The following ACACB variants were observed in gnomAD, a reference collection of about 807,000 sequenced individuals.
The protein encoded by ACACB is acetyl-CoA carboxylase beta.
In ACACB, 209 loss-of-function variants were observed where a neutral mutation model predicts 278.8. That is an observed-to-expected ratio of 0.75 (90% CI 0.67 to 0.84). The LOEUF (loss-of-function observed/expected upper bound fraction) is 0.84. Ranked by LOEUF, ACACB falls within the 40% of genes least tolerant of loss-of-function variation. ACACB has a pLI of 0.00. For synonymous variants in ACACB, 1,174 were observed against 1,285.6 expected, an observed-to-expected ratio of 0.91 and a Z score of 1.86; for missense variants, 2,850 against 3,269.0, an observed-to-expected ratio of 0.87 and a Z score of 3.13.
At chr12:109,168,130 G>A (rs80074286) in intron 4 of ACACB, 96 bp downstream of exon 4, 54 of 1,347,238 alleles carry the variant, frequency 4.0e-5, no homozygotes, top group Middle Eastern at 3.9e-4. Flanking sequence ...CTGGACTCCC[G>A]ATGGTCAGGA....
At position 109,245,694 on chromosome 12, in the gene ACACB, G is replaced by A; in HGVS notation, c.5247G>A (p.Val1749=). The change falls in exon 38 of 53, where the codon GTG becomes GTA. Residue 1749 remains valine, a synonymous_variant. Coordinates refer to ENST00000338432, the MANE Select transcript of ACACB (RefSeq NM_001093.4). Reference sequence around the variant, plus strand: ...ACATCCTGACATACACTGAATTAGTGTTGGACTCTCAGGGCCAGCTGGTGG... The same window carrying A: ...ACATCCTGACATACACTGAATTAGTATTGGACTCTCAGGGCCAGCTGGTGG... ...PKDILTYTEL[V]LDSQGQLVEM... The A allele has an allele frequency of 1.2e-6, 2 of 1,614,192 alleles. No individual in the cohort carries two copies. Among genetic ancestry groups the A allele is most frequent in the East Asian group, 4.5e-5 (2 of 44,892 alleles).
At chr12:109,154,653 T>G (rs1270418262) in intron 2 of ACACB, 2 of 152,172 alleles carry the variant, frequency 1.3e-5, no homozygotes, top group Non-Finnish European at 2.9e-5. Context: ...GCGGGCGCGA[T>G]GGCCCGGGAC....
intron 21 of ACACB, among the ~76,000 whole-genome samples, chr12:109,210,188 C>A (rs868345038): frequency 7.3e-5 from 1 of 13,752 alleles, no homozygotes; most frequent in Non-Finnish European, 1.4e-4. Context: ...TATATACACA[C>A]GTGTGTATAT....
Position 109,265,242 on chromosome 12 carries a change from CT to C in ACACB, c.7076del (p.Leu2359ArgfsTer48). On this transcript the variant is annotated frameshift_variant, in exon 51 of 53. Coordinates refer to ENST00000338432, the MANE Select transcript of ACACB (RefSeq NM_001093.4). LOFTEE classifies it high-confidence loss of function. Reference sequence around the variant, plus strand: ...GAGTCACGTGCATATCCAGTCCATGCTGCGTCGCTGGTTCGTGGAGACGGAG... The same window carrying C: ...GAGTCACGTGCATATCCAGTCCATGCGCGTCGCTGGTTCGTGGAGACGGAG... ...ELSHVHIQSM[L>X]RRWFVETEGA... is the part of the protein sequence containing the mutation. 7 of 1,613,450 alleles carry C rather than the reference CT, an allele frequency of 4.3e-6. No homozygotes were observed. Among genetic ancestry groups the C allele is most frequent in the Non-Finnish European group, 5.9e-6 (7 of 1,179,994 alleles).
Position 109,265,121 on chromosome 12 carries a change from G to A in ACACB, c.6954G>A (p.Glu2318=). The change falls in exon 51 of 53, where the codon GAG becomes GAA. Residue 2318 remains glutamate, a synonymous_variant. Coordinates refer to ENST00000338432, the MANE Select transcript of ACACB (RefSeq NM_001093.4). ...LEKGVISDIL[E]WKTARTFLYW... ...TGGCTCGTCCACAGGACATCCTGGA[G>A]TGGAAGACCGCACGCACCTTCCTGT... 2 of 1,609,450 alleles carry A rather than the reference G, an allele frequency of 1.2e-6. No homozygotes were observed. Among genetic ancestry groups the A allele is most frequent in the Non-Finnish European group, 1.7e-6 (2 of 1,177,658 alleles).
intron 13 of ACACB, among the ~76,000 whole-genome samples, chr12:109,188,702 G>A (rs1344483259): frequency 1.3e-5 from 2 of 152,006 alleles, no homozygotes; most frequent in Non-Finnish European, 2.9e-5. Context: ...ATCAAAGCCT[G>A]CCCTTTTTTT....
intron 13 of ACACB, among the ~76,000 whole-genome samples, chr12:109,190,102 G>A (rs898128513): frequency 1.5e-4 from 23 of 151,950 alleles, no homozygotes; most frequent in Non-Finnish European, 4.4e-5. Flanking sequence ...CAAGAGTGAA[G>A]CTCCGTCTCA....
intron 19 of ACACB, among the ~76,000 whole-genome samples, chr12:109,203,357 A>G (rs7976245): frequency 0.61 from 93,039 of 152,112 alleles, 29,088 homozygotes; most frequent in African/African-American, 0.72. Flanking sequence ...CCTATTGTCC[A>G]GGATCCCATC....
At chr12:109,255,200 C>G (rs895626690) in intron 44 of ACACB, among the ~76,000 whole-genome samples, 2 of 152,150 alleles carry the variant, frequency 1.3e-5, no homozygotes, top group African/African-American at 2.4e-5. Context: ...ATGAGTTTCT[C>G]TCTTGGAGGT....
intron 2 of ACACB, among the ~76,000 whole-genome samples, chr12:109,145,873 G>T (rs1000790552): frequency 6.6e-6 from 1 of 152,018 alleles, no homozygotes; most frequent in Non-Finnish European, 1.5e-5. Context: ...GCTGGGCGTG[G>T]TGGCAGGTGC....
At chr12:109,186,596 C>T (rs950362634) in intron 12 of ACACB, among the ~76,000 whole-genome samples, 1 of 152,214 alleles carries the variant, frequency 6.6e-6, no homozygotes, top group East Asian at 1.9e-4. Context: ...ACATGCATAC[C>T]GACCGTTGAT....
intron 1 of ACACB, among the ~76,000 whole-genome samples, chr12:109,133,706 T>C (rs943235729): frequency 6.6e-6 from 1 of 151,862 alleles, no homozygotes; most frequent in Non-Finnish European, 1.5e-5. Context: ...TTCAGCCCTT[T>C]CTTTCAAAAC....
At chr12:109,226,591 C>G (rs1593632557) in intron 27 of ACACB, among the ~76,000 whole-genome samples, 1 of 150,470 alleles carries the variant, frequency 6.6e-6, no homozygotes, top group South Asian at 2.1e-4. Flanking sequence ...CCCAGCTACT[C>G]AGGAGGCTGA....
At chr12:109,213,283 C>T (rs955023513) in intron 22 of ACACB, among the ~76,000 whole-genome samples, 2 of 151,926 alleles carry the variant, frequency 1.3e-5, no homozygotes, top group Non-Finnish European at 2.9e-5. Flanking sequence ...AGGCTGGTCT[C>T]GAACTCCTGA....
At position 109,185,514 on chromosome 12, in the gene ACACB, C is replaced by T; in HGVS notation, c.1819-65C>T. The T allele has an allele frequency of 1.9e-6, 3 of 1,569,486 alleles. No individual in the cohort carries two copies. The South Asian group carries it at 3.3e-5, about 17-fold the overall frequency. On this transcript the variant is annotated intron_variant, in intron 11 of 52. Transcript: ENST00000338432. ...AACCTCCGTTGCATCTACCACTGTG[C>T]CTGGTGTTTTGGGGCCGTGTTCTGG...
intron 2 of ACACB, among the ~76,000 whole-genome samples, chr12:109,154,075 A>G (rs1331391367): frequency 6.6e-6 from 1 of 152,252 alleles, no homozygotes; most frequent in Non-Finnish European, 1.5e-5. Context: ...AGGGATAAAA[A>G]CAATAAGATT....
chr12:109,222,700 C>A (rs2046207458), intron 25 of ACACB, 80 bp downstream of exon 25: 10 of 1,518,384 alleles, frequency 6.6e-6, no homozygotes, highest in Non-Finnish European at 9.1e-6. Flanking sequence ...TCAGCCCTCA[C>A]CATGCACAGT....
At chr12:109,161,241 A>G (rs1033569577) in intron 2 of ACACB, among the ~76,000 whole-genome samples, 2 of 152,206 alleles carry the variant, frequency 1.3e-5, no homozygotes. Flanking sequence ...GGTTGAAAAC[A>G]ATAAATAAAA....
chr12:109,128,588 C>G (rs1305313143), intron 1 of ACACB, among the ~76,000 whole-genome samples: 1 of 152,272 alleles, frequency 6.6e-6, no homozygotes. Context: ...ATCTGCCCCC[C>G]TCAGCCTCCC....
Sources: gnomAD v4.1 joint callset for allele counts (sites outside exome capture counted in the v4.1 genomes callset) on GRCh38, gnomAD v4.1.1 for gene constraint, MANE v1.5 for transcripts, NCBI Gene and HGNC (gene_info 2026-07-23, HGNC 2026-07-21) for gene names.